FRMD6: variants seen among roughly 807,000 people sequenced by gnomAD.
FRMD6 encodes FERM domain containing 6, also known as FERM domain-containing protein 6.
A neutral mutation model predicts 73.2 loss-of-function variants in FRMD6; 37 were observed. The observed-to-expected ratio is 0.51, with a 90% CI of 0.39 to 0.66. The LOEUF (loss-of-function observed/expected upper bound fraction) is 0.66. FRMD6 is among the 30% of genes least tolerant of loss of function. FRMD6 has a pLI of 0.00. For missense variants in FRMD6, 714 were observed against 780.5 expected, an observed-to-expected ratio of 0.91 and a Z score of 1.02; for synonymous variants, 273 against 282.2, an observed-to-expected ratio of 0.97 and a Z score of 0.33.
chr14:51,570,037 G>A (rs567400902), intron 1 of FRMD6, among the ~76,000 whole-genome samples: 50 of 152,042 alleles, frequency 3.3e-4, no homozygotes, highest in Admixed American at 6.5e-4. Flanking sequence ...GGATGGTCTC[G>A]ATCTCCTGAC....
chr14:51,447,996 A>G, the FRMD6 span, among the ~76,000 whole-genome samples: 1 of 152,142 alleles, frequency 6.6e-6, no homozygotes, highest in African/African-American at 2.4e-5. Context: ...AGAAGCTTGT[A>G]TTGTTCTAAT....
the FRMD6 span, among the ~76,000 whole-genome samples, chr14:51,429,082 C>T: frequency 6.6e-6 from 1 of 150,700 alleles, no homozygotes; most frequent in Admixed American, 6.6e-5. Flanking sequence ...GAGAAGAGAA[C>T]AGGTGAGCTC....
chr14:51,644,640 T>C (rs994406592), intron 2 of FRMD6, among the ~76,000 whole-genome samples: 4 of 152,334 alleles, frequency 2.6e-5, no homozygotes, highest in East Asian at 1.9e-4. Context: ...ATTTGTATAT[T>C]AAGTCTGTAT....
At chr14:51,704,630 G>A in intron 5 of FRMD6, 119 bp from the exon 6 acceptor site, 2 of 761,574 alleles carry the variant, frequency 2.6e-6, no homozygotes, top group South Asian at 1.9e-5. Context: ...TGAGGTGGGA[G>A]GGAGGAGCAG....
intron 9 of FRMD6, 56 bp downstream of exon 9, chr14:51,712,607 G>T: frequency 9.1e-7 from 1 of 1,092,934 alleles, no homozygotes; most frequent in Non-Finnish European, 1.4e-6. Flanking sequence ...TTACTTTTTT[G>T]GGTTTCTGTT....
At chr14:51,656,450 G>A (rs1382204245) in intron 1 of FRMD6, among the ~76,000 whole-genome samples, 1 of 148,986 alleles carries the variant, frequency 6.7e-6, no homozygotes, top group East Asian at 2.0e-4. Context: ...GTCTCGCCCT[G>A]TCGCCCAGGC....
At chr14:51,572,931 G>C (rs1417807628) in intron 2 of FRMD6, among the ~76,000 whole-genome samples, 1 of 152,112 alleles carries the variant, frequency 6.6e-6, no homozygotes, top group Non-Finnish European at 1.5e-5. Context: ...GTAAATTTTT[G>C]GAGACAGAGA....
chr14:51,662,886 T>G (rs1161833138), intron 1 of FRMD6, among the ~76,000 whole-genome samples: 1 of 152,158 alleles, frequency 6.6e-6, no homozygotes, highest in Non-Finnish European at 1.5e-5. Flanking sequence ...AAGTATGTAC[T>G]GACAAAGGTC....
the FRMD6 span, among the ~76,000 whole-genome samples, chr14:51,402,543 T>C: frequency 1.3e-5 from 2 of 152,206 alleles, no homozygotes; most frequent in Admixed American, 1.3e-4. Flanking sequence ...TGCCTTCTGC[T>C]ATGATTGTGA....
chr14:51,649,790 ACT>A (rs1312428409), upstream of FRMD6: 1 of 152,002 alleles, frequency 6.6e-6, no homozygotes, highest in African/African-American at 2.4e-5. Flanking sequence ...ACAGGGTCTC[ACT>A]CTGTCACCCA....
chr14:51,699,445 AAATAAGTCC>A (rs1896150082), intron 3 of FRMD6, among the ~76,000 whole-genome samples: 1 of 151,952 alleles, frequency 6.6e-6, no homozygotes, highest in Non-Finnish European at 1.5e-5. Flanking sequence ...ATTGTTCAAC[AAATAAGTCC>A]AATAAAACCA....
intron 12 of FRMD6, 127 bp downstream of exon 12, chr14:51,722,207 T>C (rs760616571): frequency 1.1e-6 from 1 of 904,446 alleles, no homozygotes; most frequent in Non-Finnish European, 1.7e-6. Context: ...ACTAAGAGTC[T>C]CTTCAGGTCA....
intron 1 of FRMD6, among the ~76,000 whole-genome samples, chr14:51,564,774 C>T (rs17124206): frequency 0.21 from 32,487 of 152,056 alleles, 3,745 homozygotes; most frequent in African/African-American, 0.27. Flanking sequence ...TGTAGGAGCT[C>T]GCATTTGCTA....
the FRMD6 span, among the ~76,000 whole-genome samples, chr14:51,432,394 T>C: frequency 6.6e-6 from 1 of 152,146 alleles, no homozygotes; most frequent in African/African-American, 2.4e-5. Context: ...TCAGGAAAAT[T>C]CCCTTTTTCT....
chr14:51,429,214 C>A, the FRMD6 span, among the ~76,000 whole-genome samples: 1 of 152,198 alleles, frequency 6.6e-6, no homozygotes, highest in Non-Finnish European at 1.5e-5. Context: ...TCCCAATTGA[C>A]ACCACAAGGA....
chr14:51,433,608 G>A, the FRMD6 span, among the ~76,000 whole-genome samples: 1 of 152,114 alleles, frequency 6.6e-6, no homozygotes, highest in South Asian at 2.1e-4. Context: ...TTGCTAACCC[G>A]ACGGGGAATA....
chr14:51,407,793 G>A, the FRMD6 span, among the ~76,000 whole-genome samples: 1 of 151,814 alleles, frequency 6.6e-6, no homozygotes, highest in Non-Finnish European at 1.5e-5. Flanking sequence ...TTGTATTATT[G>A]ATTTCTAACT....
upstream of FRMD6, chr14:51,649,714 C>T (rs1892246970): frequency 6.6e-6 from 1 of 152,138 alleles, no homozygotes; most frequent in African/African-American, 2.4e-5. Flanking sequence ...CTGTCCTCAA[C>T]TATTGTTATC....
Position 51,570,057 on chromosome 14 carries a change from T to C in FRMD6, c.-209-291T>C, listed in dbSNP as rs189836382. On this transcript the variant is annotated intron_variant, in intron 1 of 14. Coordinates refer to the FRMD6 transcript ENST00000356218. ...GTCTCGATCTCCTGACCTCGTGATC[T>C]GCCCACCTTGGCCTCCCAAAGTGCT... Among the ~76,000 whole-genome samples, 944 of 152,146 alleles carry C rather than the reference T, an allele frequency of 6.2e-3. 6 individuals are homozygous for C. The highest frequency in any genetic ancestry group is 9.9e-3 in the Non-Finnish European group (670 of 67,978).
Sources: allele counts gnomAD v4.1 joint callset (sites outside exome capture counted in the v4.1 genomes callset), GRCh38; gene constraint gnomAD v4.1.1; transcripts MANE v1.5; gene names NCBI Gene and HGNC (gene_info 2026-07-23, HGNC 2026-07-21).